Variants in SLIT3 observed in about 807,000 individuals in gnomAD.
The protein encoded by SLIT3 is slit guidance ligand 3, also known as slit homolog 3 protein.
A neutral mutation model predicts 184.0 loss-of-function variants in SLIT3; 68 were observed. The ratio of observed to expected loss-of-function variants is 0.37; its 90% confidence interval spans 0.30 to 0.45. The LOEUF (loss-of-function observed/expected upper bound fraction) is 0.45. SLIT3 is among the 20% of genes least tolerant of loss of function. SLIT3 has a pLI of 1.00. For missense variants in SLIT3, 1,707 were observed against 2,026.0 expected (o/e 0.84, Z 3.02); for synonymous variants, 831 against 828.6 (o/e 1.00, Z -0.05).
chr5:169,269,188 T>C (rs1465296199), intron 1 of SLIT3, among the ~76,000 whole-genome samples: 1 of 152,228 alleles, frequency 6.6e-6, no homozygotes, highest in Non-Finnish European at 1.5e-5. Context: ...TTCACCTTCA[T>C]GTCTCCAGGA....
intron 4 of SLIT3, among the ~76,000 whole-genome samples, chr5:169,088,855 A>G (rs1398640504): frequency 3.3e-5 from 5 of 151,700 alleles, no homozygotes; most frequent in African/African-American, 4.8e-5. Context: ...CCCTGTCTCT[A>G]CTAGAAATAC....
chr5:169,284,205 T>C (rs1767082981), intron 1 of SLIT3, among the ~76,000 whole-genome samples: 2 of 152,212 alleles, frequency 1.3e-5, no homozygotes, highest in Non-Finnish European at 2.9e-5. Context: ...AAAACGATTA[T>C]AACTGGAGGA....
intron 1 of SLIT3, among the ~76,000 whole-genome samples, chr5:169,287,762 G>A (rs538329445): frequency 8.1e-4 from 123 of 152,282 alleles, no homozygotes; most frequent in Non-Finnish European, 1.3e-3. Flanking sequence ...GGATGTGGTG[G>A]ACGCGTTTCT....
intron 3 of SLIT3, among the ~76,000 whole-genome samples, chr5:169,216,526 T>C (rs934493376): frequency 6.6e-6 from 1 of 152,190 alleles, no homozygotes; most frequent in African/African-American, 2.4e-5. Flanking sequence ...TCAGCAGTCT[T>C]CCTATAGAGA....
chr5:169,031,883 TAC>T (rs1221054599), intron 4 of SLIT3, among the ~76,000 whole-genome samples: 1 of 152,218 alleles, frequency 6.6e-6, no homozygotes, highest in East Asian at 1.9e-4. Context: ...TTTCCTTTGT[TAC>T]ACAGTTAGAG....
At chr5:169,073,894 C>A (rs1445440686) in intron 4 of SLIT3, among the ~76,000 whole-genome samples, 2 of 152,140 alleles carry the variant, frequency 1.3e-5, no homozygotes, top group African/African-American at 4.8e-5. Context: ...CTCAGGAATT[C>A]CTTTAGTGCA....
intron 29 of SLIT3, among the ~76,000 whole-genome samples, chr5:168,691,227 T>C (rs752839296): frequency 6.6e-6 from 1 of 152,186 alleles, no homozygotes; most frequent in Non-Finnish European, 1.5e-5. Flanking sequence ...TGTGGACTGA[T>C]GGGTGGGCTG....
chr5:169,271,681 T>C (rs909054230), intron 1 of SLIT3, among the ~76,000 whole-genome samples: 1 of 152,158 alleles, frequency 6.6e-6, no homozygotes, highest in African/African-American at 2.4e-5. Flanking sequence ...ATGCTCAAAA[T>C]AGCATCACAC....
At chr5:168,896,973 A>G (rs997228419) in intron 4 of SLIT3, among the ~76,000 whole-genome samples, 8 of 152,108 alleles carry the variant, frequency 5.3e-5, no homozygotes, top group Non-Finnish European at 1.2e-4. Context: ...CGTGCAGGAA[A>G]AGCCATCATT....
chr5:169,133,425 T>C (rs1761377169), intron 4 of SLIT3, among the ~76,000 whole-genome samples: 1 of 152,220 alleles, frequency 6.6e-6, no homozygotes, highest in Admixed American at 6.5e-5. Context: ...TTGAGCTGTG[T>C]CATCTATGCA....
chr5:169,212,193 C>T (rs922424715), intron 3 of SLIT3, among the ~76,000 whole-genome samples: 2 of 152,208 alleles, frequency 1.3e-5, no homozygotes, highest in African/African-American at 4.8e-5. Flanking sequence ...TGAGGAGTCA[C>T]CACACTGTCT....
chr5:168,839,531 C>A (rs960459137), intron 6 of SLIT3, among the ~76,000 whole-genome samples: 1 of 152,158 alleles, frequency 6.6e-6, no homozygotes, highest in Non-Finnish European at 1.5e-5. Flanking sequence ...TGTAAGATAT[C>A]TCAATTTTTA....
chr5:169,069,424 C>T (rs887929974), intron 4 of SLIT3, among the ~76,000 whole-genome samples: 1 of 152,202 alleles, frequency 6.6e-6, no homozygotes, highest in Non-Finnish European at 1.5e-5. Context: ...AGAGTTCAAT[C>T]CCATTTGTTC....
In SLIT3 at chr5:168,952,519, G is replaced by A. The variant is rs1415897792; in HGVS notation, c.414-69183C>T. 5.9e-5 allele frequency among the ~76,000 whole-genome samples: 5 copies of A among 84,708 alleles called. No homozygotes were observed. The South Asian group carries it at 9.8e-4, about 17-fold the overall frequency. 55.6% of individuals were successfully genotyped at this position (84,708 alleles called of 152,430 possible). ...TTTCCCCACAATCTCAGAGAAGAAG[G>A]GAAAATGCCAAAAAAAAAAAAAAAA... On this transcript the variant is annotated intron_variant, in intron 4 of 35. Coordinates refer to ENST00000519560, the MANE Select transcript of SLIT3 (RefSeq NM_003062.4).
At chr5:169,025,828 A>G (rs1376827406) in intron 4 of SLIT3, among the ~76,000 whole-genome samples, 1 of 152,246 alleles carries the variant, frequency 6.6e-6, no homozygotes, top group Non-Finnish European at 1.5e-5. Flanking sequence ...GATGGAAAAT[A>G]ATAAATAAGG....
intron 1 of SLIT3, among the ~76,000 whole-genome samples, chr5:169,273,163 C>G (rs1046322082): frequency 2.6e-5 from 4 of 152,196 alleles, no homozygotes; most frequent in Non-Finnish European, 5.9e-5. Context: ...CCCACCACCC[C>G]CTGCCTCTGG....
chr5:169,133,784 C>A (rs1761394354), intron 4 of SLIT3, among the ~76,000 whole-genome samples: 1 of 152,116 alleles, frequency 6.6e-6, no homozygotes, highest in Non-Finnish European at 1.5e-5. Flanking sequence ...GTATGGGAAA[C>A]AAAACTACCT....
chr5:168,787,524 T>A (rs1257542466), intron 11 of SLIT3, among the ~76,000 whole-genome samples: 4 of 152,192 alleles, frequency 2.6e-5, no homozygotes, highest in African/African-American at 4.8e-5. Context: ...TTGGGAGGTG[T>A]CTCTTTAATA....
chr5:168,766,216 T>A (rs1187193979), intron 14 of SLIT3, among the ~76,000 whole-genome samples: 1 of 152,208 alleles, frequency 6.6e-6, no homozygotes, highest in Non-Finnish European at 1.5e-5. Context: ...CATCATGGAC[T>A]TGCTAACTCA....
Sources: gnomAD v4.1 joint callset for allele counts (sites outside exome capture counted in the v4.1 genomes callset) on GRCh38, gnomAD v4.1.1 for gene constraint, MANE v1.5 for transcripts, NCBI Gene and HGNC (gene_info 2026-07-23, HGNC 2026-07-21) for gene names.